Variants in APOOL observed in about 807,000 individuals in gnomAD.
APOOL encodes the protein apolipoprotein O like, also known as MICOS complex subunit MIC27.
APOOL carries 12 observed loss-of-function variants against 23.1 expected under a neutral mutation model. The ratio of observed to expected loss-of-function variants is 0.52; its 90% CI spans 0.33 to 0.84. The LOEUF (loss-of-function observed/expected upper bound fraction) is 0.84, where lower values mean the gene tolerates loss of function less well. Ranked by LOEUF, APOOL falls within the 40% of genes least tolerant of loss-of-function variation. The pLI is 0.02. For missense variants in APOOL, 212 were observed against 199.6 expected, an observed-to-expected ratio of 1.06 and a Z score of -0.37; for synonymous variants, 77 against 69.9, an observed-to-expected ratio of 1.10 and a Z score of -0.51.
intron 1 of APOOL, among the ~76,000 whole-genome samples, chrX:85,012,642 G>C (rs949513041): frequency 4.5e-5 from 5 of 111,771 alleles, no homozygotes; most frequent in African/African-American, 1.6e-4. Context: ...CCGTTTATGT[G>C]ATGTATCACG....
chrX:85,008,772 T>C (rs963661841), intron 1 of APOOL, among the ~76,000 whole-genome samples: 3 of 111,817 alleles, frequency 2.7e-5, no homozygotes, highest in African/African-American at 9.7e-5. Context: ...CATACAAATT[T>C]TGCAATTGTT....
At chrX:85,055,075 G>A (rs1169198699) in intron 4 of APOOL, among the ~76,000 whole-genome samples, 1 of 111,683 alleles carries the variant, frequency 9.0e-6, no homozygotes, top group Non-Finnish European at 1.9e-5. Context: ...AGAAAGATGA[G>A]CTAAAATGTT....
intron 1 of APOOL, among the ~76,000 whole-genome samples, chrX:85,022,742 G>A (rs1921712181): frequency 9.0e-6 from 1 of 111,463 alleles, no homozygotes; most frequent in Non-Finnish European, 1.9e-5. Flanking sequence ...CCTACCTAGA[G>A]CAATTAGGCA....
At chrX:85,068,829 T>A (rs146215917) in intron 6 of APOOL, among the ~76,000 whole-genome samples, 2,933 of 111,914 alleles carry the variant, frequency 0.026, 97 homozygotes, top group African/African-American at 0.091. Flanking sequence ...CCAAAATGCA[T>A]CTATCCATAC....
At chrX:85,025,268 T>C (rs1013742988) in intron 1 of APOOL, among the ~76,000 whole-genome samples, 1 of 111,423 alleles carries the variant, frequency 9.0e-6, no homozygotes, top group Non-Finnish European at 1.9e-5. Flanking sequence ...CCATAAGGGA[T>C]CTGCCCCCAT....
intron 2 of APOOL, among the ~76,000 whole-genome samples, chrX:85,047,152 A>G (rs750660098): frequency 3.6e-5 from 4 of 111,613 alleles, no homozygotes; most frequent in African/African-American, 1.3e-4. Context: ...GCCATACAGA[A>G]AACTCTCTTT....
intron 8 of APOOL, among the ~76,000 whole-genome samples, chrX:85,075,441 A>C (rs1323725404): frequency 9.0e-6 from 1 of 111,195 alleles, no homozygotes; most frequent in Non-Finnish European, 1.9e-5. Flanking sequence ...TCTAATTTAA[A>C]ACTGGAAGTT....
chrX:85,023,348 T>C (rs1921733064), intron 1 of APOOL, among the ~76,000 whole-genome samples: 1 of 111,818 alleles, frequency 8.9e-6, no homozygotes, highest in Non-Finnish European at 1.9e-5. Flanking sequence ...TACTTAGAAA[T>C]AAATTTAGCC....
chrX:85,004,142 C>T (rs1451786267), intron 1 of APOOL, among the ~76,000 whole-genome samples: 1 of 111,764 alleles, frequency 8.9e-6, no homozygotes, highest in Non-Finnish European at 1.9e-5. Flanking sequence ...CCTCAATCCC[C>T]TGTGGTTGTC....
chrX:85,072,016 G>A (rs757062750), intron 6 of APOOL, among the ~76,000 whole-genome samples: 1 of 112,070 alleles, frequency 8.9e-6, no homozygotes, highest in South Asian at 3.8e-4. Context: ...GCTGAGACAG[G>A]AGAATGGGCA....
rs1470692651 is a variant in APOOL, at chrX:85,087,760, G to A, written c.*82G>A. 6.0e-6 allele frequency: 5 copies of A among 836,552 alleles called. No individual in the cohort carries two copies. The East Asian group carries it at 1.4e-4, about 24-fold the overall frequency. 68.9% of individuals were successfully genotyped at this position (836,552 alleles called of 1,213,427 possible). A position where few individuals can be genotyped will look rare whatever the true frequency, so the allele number is the denominator to read the frequency against. The stretch of plus-strand genomic sequence containing the variant: ...AATGATGAAAATAAATCATGTAATG[G>A]GTAACTGATACATAGAGTATTACCT... On this transcript the variant is annotated 3_prime_UTR_variant, in exon 9 of 9. Transcript: ENST00000373173.
At chrX:85,016,356 A>T (rs974876704) in intron 1 of APOOL, among the ~76,000 whole-genome samples, 1 of 109,162 alleles carries the variant, frequency 9.2e-6, no homozygotes, top group South Asian at 4.1e-4. Context: ...GTTTTATCAG[A>T]GTGAAGAGTG....
intron 8 of APOOL, among the ~76,000 whole-genome samples, chrX:85,077,146 G>A (rs1433686873): frequency 9.6e-6 from 1 of 103,692 alleles, no homozygotes; most frequent in African/African-American, 3.5e-5. Context: ...TAGGGTACAT[G>A]TGCACAACAT....
intron 1 of APOOL, among the ~76,000 whole-genome samples, chrX:85,031,639 C>A (rs1239284700): frequency 9.1e-6 from 1 of 110,460 alleles, no homozygotes; most frequent in Non-Finnish European, 1.9e-5. Flanking sequence ...TGCTGTGTGC[C>A]AAGTACTGTT....
At chrX:85,034,570 G>T (rs181944863) in intron 1 of APOOL, among the ~76,000 whole-genome samples, 140 of 111,000 alleles carry the variant, frequency 1.3e-3, no homozygotes, top group African/African-American at 4.4e-3. Context: ...CCATCACCCA[G>T]GTAGTGAGCA....
intron 1 of APOOL, among the ~76,000 whole-genome samples, chrX:85,007,130 G>A (rs1197476455): frequency 1.8e-5 from 2 of 111,562 alleles, no homozygotes; most frequent in Non-Finnish European, 3.8e-5. Context: ...AGGAGTTTAA[G>A]AATGGGATAG....
At chrX:85,039,072 A>G (rs1424066996) in intron 1 of APOOL, among the ~76,000 whole-genome samples, 1 of 110,735 alleles carries the variant, frequency 9.0e-6, no homozygotes, top group Admixed American at 9.7e-5. Context: ...ATAGTGCTTT[A>G]GCTGTGTCCC....
At position 85,093,076 on chromosome X, in the gene APOOL, T is replaced by C. The variant is rs1034382307; in HGVS notation, c.*5398T>C. On this transcript the variant is annotated 3_prime_UTR_variant, in exon 9 of 9. Transcript: ENST00000373173. Reference sequence around the variant, plus strand: ...AATTTGGGTAGAAATTTGAAGTATATGTTGGGGTTATGTTCAAATGGTGAG... The same window carrying C: ...AATTTGGGTAGAAATTTGAAGTATACGTTGGGGTTATGTTCAAATGGTGAG... The C allele has an allele frequency of 1.6e-5, 12 of 741,085 alleles. No homozygotes were observed. In the Admixed American group the frequency reaches 2.7e-4, roughly 17 times the overall value. 61.1% of individuals were successfully genotyped at this position (741,085 alleles called of 1,213,427 possible).
intron 1 of APOOL, among the ~76,000 whole-genome samples, chrX:85,027,924 G>A (rs1398178572): frequency 8.9e-6 from 1 of 111,955 alleles, no homozygotes; most frequent in African/African-American, 3.2e-5. Flanking sequence ...TCCAGTTTGG[G>A]CTGTTGCAAA....
Sources: allele counts gnomAD v4.1 joint callset (sites outside exome capture counted in the v4.1 genomes callset), GRCh38; gene constraint gnomAD v4.1.1; transcripts MANE v1.5; gene names NCBI Gene and HGNC (gene_info 2026-07-23, HGNC 2026-07-21).